The following NCAM1 variants were observed in gnomAD, a reference collection of about 807,000 sequenced individuals.
NCAM1 encodes antigen recognized by monoclonal antibody 5.1H11.
Under a neutral mutation model 109.8 loss-of-function variants are expected in NCAM1, and 14 were observed. The observed-to-expected ratio is 0.13, with a 90% CI of 0.08 to 0.20. The LOEUF (loss-of-function observed/expected upper bound fraction) is 0.20. NCAM1 is among the 10% of genes least tolerant of loss of function. NCAM1 has a pLI of 1.00. For missense variants in NCAM1, 774 were observed against 1,109.9 expected (o/e 0.70, Z 4.30); for synonymous variants, 418 against 442.9 (o/e 0.94, Z 0.70).
At chr11:113,027,248 A>G (rs1442223086) in intron 1 of NCAM1, among the ~76,000 whole-genome samples, 5 of 152,270 alleles carry the variant, frequency 3.3e-5, no homozygotes, top group Non-Finnish European at 5.9e-5. Context: ...CAAATGAAGA[A>G]AAGAAATTTG....
chr11:113,098,849 A>G (rs986850917), intron 1 of NCAM1, among the ~76,000 whole-genome samples: 5 of 152,190 alleles, frequency 3.3e-5, no homozygotes, highest in African/African-American at 9.6e-5. Flanking sequence ...GTCTATGACC[A>G]TGGGAATCAG....
chr11:113,264,864 C>T (rs1946102573), intron 17 of NCAM1: 13 of 985,414 alleles, frequency 1.3e-5, no homozygotes, highest in African/African-American at 1.7e-5. Flanking sequence ...GCAGCACTAG[C>T]GCATACCCAC....
intron 1 of NCAM1, among the ~76,000 whole-genome samples, chr11:112,983,534 C>T (rs751337156): frequency 7.9e-5 from 12 of 151,530 alleles, no homozygotes; most frequent in Non-Finnish European, 1.8e-4. Flanking sequence ...ATATGGGAAC[C>T]CAGAGAAGAA....
At chr11:112,986,248 C>T (rs532860458) in intron 1 of NCAM1, among the ~76,000 whole-genome samples, 43 of 151,996 alleles carry the variant, frequency 2.8e-4, no homozygotes, top group Non-Finnish European at 5.2e-4. Context: ...TGCTTGTTTT[C>T]GAGGAATATA....
At chr11:113,215,795 G>C (rs1464439013) in intron 8 of NCAM1, among the ~76,000 whole-genome samples, 1 of 152,210 alleles carries the variant, frequency 6.6e-6, no homozygotes, top group African/African-American at 2.4e-5. Flanking sequence ...TGTTTACTTG[G>C]ATACTTTCTT....
At chr11:112,999,575 TAA>T (rs1818239852) in intron 1 of NCAM1, among the ~76,000 whole-genome samples, 2 of 151,960 alleles carry the variant, frequency 1.3e-5, no homozygotes, top group Admixed American at 1.3e-4. Context: ...TTTTTTTAAA[TAA>T]AAAAATAGAG....
At chr11:112,967,155 C>A (rs1326848170) in intron 1 of NCAM1, among the ~76,000 whole-genome samples, 1 of 152,106 alleles carries the variant, frequency 6.6e-6, no homozygotes, top group Non-Finnish European at 1.5e-5. Context: ...AGCTGATCTT[C>A]CGTTTTCTAT....
rs201910908 is a variant in NCAM1, at chr11:113,235,103, G to A, written c.1764G>A (p.Ala588=). ...PETTYAVRLA[A]LNGKGLGEIS... is the part of the protein sequence containing the mutation. ...CAACGTACGCCGTAAGGCTGGCGGC[G>A]CTCAATGGCAAAGGGCTGGGTGAGA... Residue 588 remains alanine, a synonymous_variant, in exon 14 of 20, where the codon GCG becomes GCA. Transcript: ENST00000316851. 2,041 of 1,608,930 alleles carry A rather than the reference G, an allele frequency of 1.3e-3. 9 individuals are homozygous for A. Among genetic ancestry groups the A allele is most frequent in the African/African-American group, 0.01 (776 of 74,952 alleles).
chr11:113,235,547 A>G (rs1945140474), intron 14 of NCAM1, among the ~76,000 whole-genome samples: 2 of 152,210 alleles, frequency 1.3e-5, no homozygotes, highest in South Asian at 4.1e-4. Context: ...TTGCAGGAAG[A>G]GGGTAAAGAT....
At chr11:113,244,903 C>T (rs1555119857) in intron 14 of NCAM1, among the ~76,000 whole-genome samples, 1 of 152,058 alleles carries the variant, frequency 6.6e-6, no homozygotes, top group Non-Finnish European at 1.5e-5. Context: ...TATTTTTAAC[C>T]AGCGGTGTTC....
chr11:113,189,608 C>A (rs1555109469), intron 1 of NCAM1, among the ~76,000 whole-genome samples: 1 of 152,078 alleles, frequency 6.6e-6, no homozygotes, highest in African/African-American at 2.4e-5. Flanking sequence ...CCTTGGGACT[C>A]CATTCTGATT....
At chr11:113,232,903 A>G (rs1405128554) in intron 12 of NCAM1, 89 bp downstream of exon 12, 2 of 1,255,892 alleles carry the variant, frequency 1.6e-6, no homozygotes, top group Non-Finnish European at 2.3e-6. Flanking sequence ...TGATTCCAGG[A>G]TATTGGGAAG....
chr11:113,121,217 A>C (rs572380841), intron 1 of NCAM1, among the ~76,000 whole-genome samples: 4 of 118,050 alleles, frequency 3.4e-5, no homozygotes, highest in Non-Finnish European at 4.9e-5. Flanking sequence ...AGCTCCAACA[A>C]CACCAATCTT....
At chr11:113,141,597 T>A (rs1941823563) in intron 1 of NCAM1, among the ~76,000 whole-genome samples, 1 of 152,160 alleles carries the variant, frequency 6.6e-6, no homozygotes, top group South Asian at 2.1e-4. Flanking sequence ...TGCAGTGAGC[T>A]GAGATTGTGC....
chr11:113,104,202 T>TTGGGGG (rs1940025809), intron 1 of NCAM1, among the ~76,000 whole-genome samples: 3 of 2,548 alleles, frequency 1.2e-3, no homozygotes, highest in African/African-American at 4.6e-3. Context: ...GAAGAGGAGG[T>TTGGGGG]GGGGTGGGGG....
At chr11:113,092,999 T>C (rs1555089655) in intron 1 of NCAM1, among the ~76,000 whole-genome samples, 1 of 152,226 alleles carries the variant, frequency 6.6e-6, no homozygotes. Flanking sequence ...ATTATGCAGA[T>C]AGAATTTTCT....
chr11:113,221,181 T>C, intron 8 of NCAM1, 115 bp from the exon 9 acceptor site: 1 of 1,056,546 alleles, frequency 9.5e-7, no homozygotes, highest in Non-Finnish European at 1.4e-6. Context: ...TGGAAAAAGT[T>C]CTGAATTAAA....
At chr11:113,008,104 C>G (rs1951934974) in intron 1 of NCAM1, among the ~76,000 whole-genome samples, 1 of 152,142 alleles carries the variant, frequency 6.6e-6, no homozygotes, top group Non-Finnish European at 1.5e-5. Flanking sequence ...ACTTAGAGTT[C>G]ATTAATTATG....
chr11:113,264,230 C>T, intron 17 of NCAM1: 3 of 984,432 alleles, frequency 3.0e-6, no homozygotes, highest in Non-Finnish European at 3.6e-6. Context: ...TTTTTGGTTT[C>T]TTTATGTATT....
Sources: allele counts gnomAD v4.1 joint callset (sites outside exome capture counted in the v4.1 genomes callset), GRCh38; gene constraint gnomAD v4.1.1; transcripts MANE v1.5; gene names NCBI Gene and HGNC (gene_info 2026-07-23, HGNC 2026-07-21).